The following CALN1 variants were observed in gnomAD, a reference collection of about 807,000 sequenced individuals.
The protein encoded by CALN1 is calneuron 1, also known as calcium-binding protein 8.
A neutral mutation model predicts 30.6 loss-of-function variants in CALN1; 17 were observed. The observed-to-expected ratio is 0.56, with a 90% CI of 0.38 to 0.83. The LOEUF (loss-of-function observed/expected upper bound fraction) is 0.83. Ranked by LOEUF, CALN1 falls within the 40% of genes least tolerant of loss-of-function variation. CALN1 has a pLI of 0.00. For synonymous variants in CALN1, 156 were observed against 131.4 expected (o/e 1.19, Z -1.28); for missense variants, 291 against 354.9 (o/e 0.82, Z 1.45).
chr7:71,975,496 A>G lies in CALN1; in HGVS notation c.501+48161T>C, dbSNP rs1259566865. Reference sequence around the variant, plus strand: ...GGCTAGAGTGCAGCAGTGCAATCATAGCTCACTGCAGCCTCCAACTCCTGG... The same window carrying G: ...GGCTAGAGTGCAGCAGTGCAATCATGGCTCACTGCAGCCTCCAACTCCTGG... On this transcript the variant is annotated intron_variant, in intron 5 of 6. Coordinates refer to ENST00000395275, the MANE Select transcript of CALN1 (RefSeq NM_031468.4). Among the ~76,000 whole-genome samples the G allele has an allele frequency of 2.0e-5, 3 of 152,116 alleles. No homozygotes were observed. The East Asian group carries it at 5.8e-4, about 29-fold the overall frequency.
intron 4 of CALN1, among the ~76,000 whole-genome samples, chr7:72,092,159 T>C (rs985634875): frequency 3.3e-5 from 5 of 152,210 alleles, no homozygotes; most frequent in Non-Finnish European, 7.3e-5. Context: ...TTGCTTTTCT[T>C]TTCCACAGAA....
intron 2 of CALN1, among the ~76,000 whole-genome samples, chr7:72,301,244 G>C (rs911041837): frequency 6.6e-6 from 1 of 152,080 alleles, no homozygotes; most frequent in African/African-American, 2.4e-5. Context: ...GGGTGGACAG[G>C]GGGTGACTGA....
At chr7:72,106,345 G>A (rs368794449) in intron 3 of CALN1, 51 bp from the exon 4 acceptor site, 1,004 of 1,607,904 alleles carry the variant, frequency 6.2e-4, no homozygotes, top group Non-Finnish European at 8.2e-4. Flanking sequence ...TGGCTTTATT[G>A]CACTGCAGTT....
chr7:72,193,204 GA>G (rs528166098), intron 3 of CALN1, among the ~76,000 whole-genome samples: 74 of 134,448 alleles, frequency 5.5e-4, no homozygotes, highest in African/African-American at 1.3e-3. Context: ...AAAGAAAAGA[GA>G]AAAAAAAAAA....
intron 4 of CALN1, among the ~76,000 whole-genome samples, chr7:72,040,727 A>C (rs1584804451): frequency 6.6e-6 from 1 of 152,148 alleles, no homozygotes; most frequent in South Asian, 2.1e-4. Flanking sequence ...AACCAAGGAG[A>C]GAGGCCTCAG....
intron 3 of CALN1, among the ~76,000 whole-genome samples, chr7:72,217,734 ATGGGAGGCTTAGG>A (rs527257430): frequency 2.1e-4 from 32 of 151,246 alleles, no homozygotes; most frequent in African/African-American, 7.3e-4. Context: ...TCCTAATGCT[ATGGGAGGCTTAGG>A]TGGGAGGATT....
At chr7:72,467,766 A>C in the CALN1 span, among the ~76,000 whole-genome samples, 22 of 152,182 alleles carry the variant, frequency 1.4e-4, no homozygotes, top group Admixed American at 4.6e-4. Flanking sequence ...GATGAAATTG[A>C]CCATCTTAAA....
chr7:72,160,762 C>G (rs1201772767), intron 3 of CALN1, among the ~76,000 whole-genome samples: 2 of 152,164 alleles, frequency 1.3e-5, no homozygotes, highest in African/African-American at 4.8e-5. Flanking sequence ...TCCCTCCAGC[C>G]TGATATTCTG....
Position 72,131,721 on chromosome 7 carries a change from A to T in CALN1, c.245-25427T>A, listed in dbSNP as rs373600937. On this transcript the variant is annotated intron_variant, in intron 3 of 6. Coordinates refer to ENST00000395275, the MANE Select transcript of CALN1 (RefSeq NM_031468.4). ...ACCCTGCCACTCCCACCATCTGCTCATCAACAATCCAAGACTTTGACTCTT... is the reference window on the plus strand; with the variant it reads ...ACCCTGCCACTCCCACCATCTGCTCTTCAACAATCCAAGACTTTGACTCTT... Among the ~76,000 whole-genome samples, 10 of 152,272 alleles carry T rather than the reference A, an allele frequency of 6.6e-5. No individual in the cohort carries two copies. The East Asian group carries it at 7.7e-4, about 12-fold the overall frequency.
intron 3 of CALN1, among the ~76,000 whole-genome samples, chr7:72,133,615 A>G (rs1809312255): frequency 6.6e-6 from 1 of 152,226 alleles, no homozygotes; most frequent in South Asian, 2.1e-4. Flanking sequence ...TATAGTTTCA[A>G]AGTATTTTCC....
chr7:71,892,540 G>A (rs866107166), intron 5 of CALN1, among the ~76,000 whole-genome samples: 120 of 152,254 alleles, frequency 7.9e-4, no homozygotes, highest in African/African-American at 2.8e-3. Flanking sequence ...CAGGAGAATC[G>A]CTTGAGCCTG....
chr7:72,205,345 C>T (rs1791749050), intron 3 of CALN1, among the ~76,000 whole-genome samples: 1 of 151,102 alleles, frequency 6.6e-6, no homozygotes, highest in African/African-American at 2.4e-5. Flanking sequence ...GGATTACAGG[C>T]ATGTACCACC....
At chr7:72,110,073 C>A (rs1807454971) in intron 3 of CALN1, among the ~76,000 whole-genome samples, 1 of 152,182 alleles carries the variant, frequency 6.6e-6, no homozygotes, top group African/African-American at 2.4e-5. Flanking sequence ...TCTCCACTTC[C>A]CATTCCTTCT....
At chr7:71,932,689 C>A (rs1289605107) in intron 5 of CALN1, among the ~76,000 whole-genome samples, 1 of 151,300 alleles carries the variant, frequency 6.6e-6, no homozygotes, top group East Asian at 2.0e-4. Flanking sequence ...TGGTGGCGGG[C>A]ACCTGTAGTC....
chr7:72,257,462 T>C (rs1387222531), intron 3 of CALN1, among the ~76,000 whole-genome samples: 1 of 149,172 alleles, frequency 6.7e-6, no homozygotes, highest in Non-Finnish European at 1.5e-5. Context: ...TAAAAAAAAA[T>C]AGATGTTGGC....
At chr7:72,261,905 AGAG>A (rs1796295948) in intron 3 of CALN1, among the ~76,000 whole-genome samples, 1 of 152,242 alleles carries the variant, frequency 6.6e-6, no homozygotes, top group African/African-American at 2.4e-5. Flanking sequence ...GGAAACCGCA[AGAG>A]GAGTGAGAAT....
intron 3 of CALN1, among the ~76,000 whole-genome samples, chr7:72,160,605 A>G (rs1284577346): frequency 6.6e-6 from 1 of 152,140 alleles, no homozygotes; most frequent in Non-Finnish European, 1.5e-5. Context: ...ATGCAACACT[A>G]AAGTAAGCCT....
rs1304616123 is a variant in CALN1, at chr7:71,784,751, A to AC, written c.*3023dup. 2 of 398,426 alleles carry AC rather than the reference A, an allele frequency of 5.0e-6. No individual in the cohort carries two copies. Among genetic ancestry groups the AC allele is most frequent in the Non-Finnish European group, 8.8e-6 (2 of 226,086 alleles). 24.7% of individuals were successfully genotyped at this position (398,426 alleles called of 1,614,324 possible). On this transcript the variant is annotated 3_prime_UTR_variant, in exon 7 of 7. Coordinates refer to ENST00000395275, the MANE Select transcript of CALN1 (RefSeq NM_031468.4). ...GGTCACTGGTTCCTAAGTCCGGAGG[A>AC]CAGAATGAGGGGTGAGCTATTCCCT...
chr7:72,409,812 C>CGGA (rs1313503292), intron 1 of CALN1, among the ~76,000 whole-genome samples: 2 of 152,070 alleles, frequency 1.3e-5, no homozygotes, highest in Non-Finnish European at 2.9e-5. Context: ...CACCAAGGAA[C>CGGA]GTTCCCTCCC....
Sources: gnomAD v4.1 joint callset for allele counts (sites outside exome capture counted in the v4.1 genomes callset) on GRCh38, gnomAD v4.1.1 for gene constraint, MANE v1.5 for transcripts, NCBI Gene and HGNC (gene_info 2026-07-23, HGNC 2026-07-21) for gene names.